The following C11orf65 variants were observed in gnomAD, a reference collection of about 807,000 sequenced individuals.
C11orf65 encodes chromosome 11 open reading frame 65, also known as protein MFI.
A neutral mutation model predicts 35.3 loss-of-function variants in C11orf65; 38 were observed. That is an observed-to-expected ratio of 1.08 (90% CI 0.83 to 1.41). The LOEUF (loss-of-function observed/expected upper bound fraction) is 1.41, where lower values mean the gene tolerates loss of function less well. C11orf65 is among the 40% of genes most tolerant of loss of function. The pLI, the probability that C11orf65 is intolerant of heterozygous loss-of-function variation, is 0.00. For synonymous variants in C11orf65, 105 were observed against 114.4 expected (o/e 0.92, Z 0.53); for missense variants, 370 against 367.1 (o/e 1.01, Z -0.06).
intron 2 of C11orf65, chr11:108,353,722 A>G: frequency 6.9e-7 from 1 of 1,458,660 alleles, no homozygotes; most frequent in Middle Eastern, 1.7e-4. Context: ...AAGAAAGTAA[A>G]TTAGCTGTCA....
At chr11:108,328,382 G>T (rs911016786), downstream of C11orf65, among the ~76,000 whole-genome samples, 10 of 152,172 alleles carry the variant, frequency 6.6e-5, no homozygotes, top group African/African-American at 2.4e-4. Flanking sequence ...AAGTAGCTGG[G>T]ACTACAGGAG....
chr11:108,460,440 GACC>G, intron 2 of C11orf65, among the ~76,000 whole-genome samples: 1 of 152,218 alleles, frequency 6.6e-6, no homozygotes, highest in Non-Finnish European at 1.5e-5. Context: ...AAGCACAAGT[GACC>G]ACGACATTAA....
At chr11:108,428,291 C>T (rs1412266536) in intron 3 of C11orf65, among the ~76,000 whole-genome samples, 3 of 152,130 alleles carry the variant, frequency 2.0e-5, no homozygotes, top group Non-Finnish European at 4.4e-5. Flanking sequence ...TACCATTTGA[C>T]CCAGCAACCC....
intron 6 of C11orf65, among the ~76,000 whole-genome samples, chr11:108,311,703 C>CA (rs1215790496): frequency 0.011 from 1,254 of 114,206 alleles, 13 homozygotes; most frequent in East Asian, 0.089. Flanking sequence ...ATCTCATAAA[C>CA]AAAAAAAAAA....
chr11:108,442,470 G>C (rs369461616), intron 2 of C11orf65, among the ~76,000 whole-genome samples: 11 of 152,150 alleles, frequency 7.2e-5, no homozygotes, highest in African/African-American at 2.7e-4. Flanking sequence ...AGGAAATACA[G>C]AGAATGCCAC....
chr11:108,424,354 G>GA (rs1186540732), intron 3 of C11orf65, among the ~76,000 whole-genome samples: 3 of 152,080 alleles, frequency 2.0e-5, no homozygotes, highest in Non-Finnish European at 4.4e-5. Context: ...CAAGATTAGA[G>GA]AAAAAAGAAT....
chr11:108,375,404 G>A (rs1266525273), intron 2 of C11orf65, among the ~76,000 whole-genome samples: 1 of 150,476 alleles, frequency 6.6e-6, no homozygotes, highest in East Asian at 2.0e-4. Context: ...CAGTGAAGTA[G>A]AAATAAAATA....
Position 108,461,540 on chromosome 11 carries a change from G to T in C11orf65, c.20C>A (p.Ser7Ter). The T allele has an allele frequency of 6.2e-7, 1 of 1,608,740 alleles. No individual in the cohort carries two copies. Among genetic ancestry groups the T allele is most frequent in the Non-Finnish European group, 8.5e-7 (1 of 1,177,264 alleles). The change falls in exon 2 of 9, where the codon TCA becomes TAA. Residue 7 changes from serine to a stop codon, truncating the protein, a stop_gained. Transcript: ENST00000393084. LOFTEE classifies it high-confidence loss of function. Reference sequence around the variant, plus strand: ...AGCCTTATCCTGCTTTGTAAATTCTGATTCCTCTTTCCAAGGCATTTGAAA... The same window carrying T: ...AGCCTTATCCTGCTTTGTAAATTCTTATTCCTCTTTCCAAGGCATTTGAAA... MPWKEE[S>*]EFTKQDKAAR...
At chr11:108,440,732 T>G (rs935891442) in intron 2 of C11orf65, among the ~76,000 whole-genome samples, 2 of 152,176 alleles carry the variant, frequency 1.3e-5, no homozygotes, top group African/African-American at 4.8e-5. Flanking sequence ...GACACTGCAA[T>G]GCTTTTTATG....
intron 6 of C11orf65, among the ~76,000 whole-genome samples, chr11:108,314,771 A>T (rs577044075): frequency 3.9e-5 from 6 of 152,352 alleles, no homozygotes; most frequent in Admixed American, 3.9e-4. Flanking sequence ...TATGTATTAT[A>T]TACTGTATTC....
At chr11:108,328,105 G>A (rs1591144951), downstream of C11orf65, among the ~76,000 whole-genome samples, 1 of 152,234 alleles carries the variant, frequency 6.6e-6, no homozygotes, top group East Asian at 1.9e-4. Flanking sequence ...CATTAGCCCA[G>A]CCACCCACAA....
chr11:108,319,360 G>C lies in C11orf65; in HGVS notation c.641-10289C>G, dbSNP rs962323968. On this transcript the variant is annotated intron_variant, in intron 6 of 6. Transcript: ENST00000525729. ...GTATTTCAGCTACACAGACCTCTCT[G>C]TGTTTTCTTGTCAGGCCAAGCTGTT... Among the ~76,000 whole-genome samples the C allele has an allele frequency of 2.7e-4, 41 of 152,026 alleles. 1 individual carries two copies.
intron 2 of C11orf65, among the ~76,000 whole-genome samples, chr11:108,377,475 G>A (rs1365801341): frequency 2.0e-5 from 3 of 152,030 alleles, no homozygotes; most frequent in Admixed American, 6.6e-5. Context: ...TTGATGGGAC[G>A]TATCTCAAAA....
In C11orf65 at chr11:108,334,649, G is replaced by A. The variant is rs56203417; in HGVS notation, c.299+571C>T. 4.1e-3 allele frequency among the ~76,000 whole-genome samples: 631 copies of A among 152,188 alleles called. 2 individuals are homozygous for A. The highest frequency in any genetic ancestry group is 0.024 in the Middle Eastern group (7 of 294). ...CTAGCTATATCAGCTAGGTGATTTCGCTGAATGTTTCCTTAAAATGCCAGA... is the reference window on the plus strand; with the variant it reads ...CTAGCTATATCAGCTAGGTGATTTCACTGAATGTTTCCTTAAAATGCCAGA... On this transcript the variant is annotated intron_variant, in intron 3 of 3. Coordinates refer to the C11orf65 transcript ENST00000524755.
chr11:108,325,499 C>T lies in C11orf65; in HGVS notation c.641-16428G>A, dbSNP rs563933875. ...GTATTAAGGACATTCTCACCAAACA[C>T]CTTGTAGAACTCTCTATACTGGCCA... On this transcript the variant is annotated intron_variant, in intron 6 of 6. Coordinates refer to the C11orf65 transcript ENST00000525729. The T allele has an allele frequency of 1.5e-5, 25 of 1,613,070 alleles. No individual in the cohort carries two copies. In the South Asian group the frequency reaches 2.5e-4, roughly 16 times the overall value.
At chr11:108,397,815 A>C (rs2092353453) in intron 6 of C11orf65, among the ~76,000 whole-genome samples, 1 of 152,238 alleles carries the variant, frequency 6.6e-6, no homozygotes, top group South Asian at 2.1e-4. Context: ...ACATATATTC[A>C]TTAAACATGA....
intron 3 of C11orf65, among the ~76,000 whole-genome samples, chr11:108,423,006 C>A (rs910599697): frequency 1.3e-5 from 2 of 151,950 alleles, no homozygotes; most frequent in Admixed American, 6.6e-5. Flanking sequence ...ATTTTTATAA[C>A]CTTGGAGTTG....
intron 6 of C11orf65, among the ~76,000 whole-genome samples, chr11:108,323,496 G>A (rs1460689020): frequency 6.6e-6 from 1 of 152,008 alleles, no homozygotes; most frequent in African/African-American, 2.4e-5. Context: ...AGCACAATAG[G>A]GCAACTGTAG....
At chr11:108,431,558 G>C (rs1055992973) in intron 3 of C11orf65, among the ~76,000 whole-genome samples, 188 bp downstream of exon 3, 3 of 152,134 alleles carry the variant, frequency 2.0e-5, no homozygotes, top group Admixed American at 2.0e-4. Flanking sequence ...CTGGGTGACG[G>C]TTACATAGGT....
Sources: gnomAD v4.1 joint callset for allele counts (sites outside exome capture counted in the v4.1 genomes callset) on GRCh38, gnomAD v4.1.1 for gene constraint, MANE v1.5 for transcripts, NCBI Gene and HGNC (gene_info 2026-07-23, HGNC 2026-07-21) for gene names.